EPHA5: variants seen among roughly 807,000 people sequenced by gnomAD.
EPHA5 encodes the protein EPH receptor A5.
EPHA5 carries 60 observed loss-of-function variants against 105.0 expected under a neutral mutation model. That is an observed-to-expected ratio of 0.57 (90% CI 0.46 to 0.71). The LOEUF is 0.71. EPHA5 is among the 30% of genes least tolerant of loss of function. The pLI is 0.00. For synonymous variants in EPHA5, 513 were observed against 449.1 expected (o/e 1.14, Z -1.80); for missense variants, 1,218 against 1,274.7 (o/e 0.96, Z 0.68).
chr4:65,320,423 C>G lies in EPHA5; in HGVS notation c.*3691G>C, dbSNP rs1434787534. 3 of 229,686 alleles carry G rather than the reference C, an allele frequency of 1.3e-5. No individual in the cohort carries two copies. Among genetic ancestry groups the G allele is most frequent in the African/African-American group, 2.2e-5 (1 of 45,040 alleles). The allele number at this position is 229,686 out of a possible 1,614,324, so 14.2% of individuals were successfully genotyped here. ...ACATCTGGCAGGACATTAGCAAAGA[C>G]AGTTTACTATCACACTTCTTTTTTT... On this transcript the variant is annotated 3_prime_UTR_variant, in exon 17 of 17. Coordinates refer to ENST00000613740, the MANE Select transcript of EPHA5 (RefSeq NM_001281766.3).
At chr4:65,335,831 C>T in intron 15 of EPHA5, 101 bp downstream of exon 15, 1 of 1,206,494 alleles carries the variant, frequency 8.3e-7, no homozygotes, top group Non-Finnish European at 1.1e-6. Context: ...TATAGATTCA[C>T]AGATTAATGT....
rs138631715 is a variant in EPHA5, at chr4:65,669,598, C to A, written c.145G>T (p.Ala49Ser). The A allele has an allele frequency of 2.3e-4, 324 of 1,433,902 alleles. No individual in the cohort carries two copies. The highest frequency in any genetic ancestry group is 3.0e-4 in the Admixed American group (12 of 40,140). The allele number at this position is 1,433,902 out of a possible 1,614,324, so 88.8% of individuals were successfully genotyped here. A position where few individuals can be genotyped will look rare whatever the true frequency, so the allele number is the denominator to read the frequency against. Residue 49 changes from alanine (A) to serine (S), a missense_variant, in exon 1 of 17, where the codon GCA (alanine) becomes TCA (serine). Ala to Ser is a moderately conservative substitution (Grantham distance 99). Coordinates refer to ENST00000613740, the MANE Select transcript of EPHA5 (RefSeq NM_001281766.3). ...PLWTCLLLCA[A>S]LRTLLASPSN... is the part of the protein sequence containing the mutation. The stretch of plus-strand genomic sequence containing the variant: ...GGGCTGGCCAGGAGGGTCCGGAGTG[C>A]GGCGCACAGGAGAAGGCACGTCCAG...
At chr4:65,629,454 T>C (rs1313222468) in intron 2 of EPHA5, among the ~76,000 whole-genome samples, 1 of 152,170 alleles carries the variant, frequency 6.6e-6, no homozygotes, top group Non-Finnish European at 1.5e-5. Context: ...ATACAATCAA[T>C]AGGTGCAATA....
intron 3 of EPHA5, among the ~76,000 whole-genome samples, chr4:65,539,466 G>A (rs1437707271): frequency 6.6e-6 from 1 of 151,474 alleles, no homozygotes; most frequent in African/African-American, 2.4e-5. Flanking sequence ...AAGCAGGTGT[G>A]AAATAGAAAT....
intron 1 of EPHA5, among the ~76,000 whole-genome samples, chr4:65,657,230 C>T (rs1749155794): frequency 2.6e-5 from 4 of 152,062 alleles, no homozygotes; most frequent in African/African-American, 7.2e-5. Flanking sequence ...GTAAATCCTT[C>T]TGCCCCCCAA....
rs906205380 is a variant in EPHA5 at position 65,557,749 on chromosome 4, G to T, written c.910+43892C>A. Among the ~76,000 whole-genome samples the T allele has an allele frequency of 1.3e-4, 20 of 152,252 alleles. 1 individual carries two copies. The highest frequency in any genetic ancestry group is 1.0e-3 in the Admixed American group (16 of 15,268). ...CTGGCAACCATCTGAGGCTTCAGAG[G>T]TGGATGAACAAGGGAAGGAGCTGTA... On this transcript the variant is annotated intron_variant, in intron 3 of 16. Coordinates refer to ENST00000613740, the MANE Select transcript of EPHA5 (RefSeq NM_001281766.3).
chr4:65,487,353 G>A (rs146744287), intron 5 of EPHA5, among the ~76,000 whole-genome samples: 61 of 152,232 alleles, frequency 4.0e-4, no homozygotes, highest in African/African-American at 1.4e-3. Context: ...CAACAAAAAT[G>A]ATACTAACTC....
intron 15 of EPHA5, among the ~76,000 whole-genome samples, chr4:65,334,423 A>T (rs1720972803): frequency 6.6e-6 from 1 of 152,030 alleles, no homozygotes; most frequent in Admixed American, 6.6e-5. Context: ...AAGGTCTAGA[A>T]TATAAGCATG....
At chr4:65,473,949 A>G (rs1729537674) in intron 5 of EPHA5, among the ~76,000 whole-genome samples, 1 of 150,176 alleles carries the variant, frequency 6.7e-6, no homozygotes, top group Non-Finnish European at 1.5e-5. Flanking sequence ...AGGATTAAGT[A>G]CATGTATAAG....
chr4:65,350,194 A>G (rs932964509), intron 13 of EPHA5, among the ~76,000 whole-genome samples: 2 of 152,108 alleles, frequency 1.3e-5, no homozygotes, highest in Non-Finnish European at 2.9e-5. Flanking sequence ...AAGAATTCTT[A>G]ATTGAGTTTT....
chr4:65,526,772 C>T (rs1020171142), intron 3 of EPHA5, among the ~76,000 whole-genome samples: 1 of 151,946 alleles, frequency 6.6e-6, no homozygotes, highest in Non-Finnish European at 1.5e-5. Context: ...CATGGAATGG[C>T]TACAAGGTTT....
chr4:65,491,244 A>G (rs1731372922), intron 4 of EPHA5, among the ~76,000 whole-genome samples: 2 of 151,870 alleles, frequency 1.3e-5, no homozygotes, highest in South Asian at 4.1e-4. Flanking sequence ...TAAATCACCA[A>G]CAGAATTTGA....
intron 7 of EPHA5, among the ~76,000 whole-genome samples, chr4:65,405,856 C>G (rs1202447602): frequency 6.6e-6 from 1 of 151,866 alleles, no homozygotes; most frequent in Non-Finnish European, 1.5e-5. Flanking sequence ...CTTTATTAAT[C>G]TCTAAACTCA....
chr4:65,430,605 C>T (rs1212580070), intron 5 of EPHA5, among the ~76,000 whole-genome samples: 1 of 152,124 alleles, frequency 6.6e-6, no homozygotes, highest in Middle Eastern at 3.4e-3. Context: ...TTCCTAACAT[C>T]ATTAGGAAGT....
intron 5 of EPHA5, among the ~76,000 whole-genome samples, chr4:65,488,587 AT>A (rs11323031): frequency 0.045 from 6,842 of 152,226 alleles, 209 homozygotes; most frequent in African/African-American, 0.081. Context: ...GGAAAAATTG[AT>A]TTTCGCTATT....
intron 3 of EPHA5, among the ~76,000 whole-genome samples, chr4:65,508,767 T>C (rs912557377): frequency 7.9e-5 from 12 of 152,126 alleles, no homozygotes; most frequent in African/African-American, 2.4e-4. Context: ...CATAGATAGC[T>C]AGATATAGAT....
chr4:65,646,217 C>T (rs1247752930), intron 1 of EPHA5, among the ~76,000 whole-genome samples: 3 of 152,078 alleles, frequency 2.0e-5, no homozygotes, highest in Admixed American at 1.3e-4. Flanking sequence ...ACTTAATATT[C>T]TATGACTACT....
rs542784780 is a variant in EPHA5, at chr4:65,519,997, T to G, written c.911-24454A>C. Reference sequence around the variant, plus strand: ...AATGCCATCCCCATCAAGCTACCAATGACTTTCTTCACAGAATTGGAAAAA... The same window carrying G: ...AATGCCATCCCCATCAAGCTACCAAGGACTTTCTTCACAGAATTGGAAAAA... On this transcript the variant is annotated intron_variant, in intron 3 of 16. Transcript: ENST00000613740. Among the ~76,000 whole-genome samples the G allele has an allele frequency of 5.9e-5, 9 of 152,294 alleles. No homozygotes were observed. In the East Asian group the frequency reaches 1.7e-3, roughly 29 times the overall value.
Position 65,612,746 on chromosome 4 carries a change from G to A in EPHA5, c.247-10442C>T, listed in dbSNP as rs373947364. On this transcript the variant is annotated intron_variant, in intron 2 of 16. Transcript: ENST00000613740. ...TTTGTGTTGTTTCGGGGTTGTTATT[G>A]TTTCTGTTCCTTGTAGATTCTGGAT... Among the ~76,000 whole-genome samples the A allele has an allele frequency of 5.3e-4, 81 of 152,134 alleles. 4 individuals carry two copies. The South Asian group carries it at 0.017, about 32-fold the overall frequency.
Sources: gnomAD v4.1 joint callset for allele counts (sites outside exome capture counted in the v4.1 genomes callset) on GRCh38, gnomAD v4.1.1 for gene constraint, MANE v1.5 for transcripts, NCBI Gene and HGNC (gene_info 2026-07-23, HGNC 2026-07-21) for gene names.